KCNN3: variants seen among roughly 807,000 people sequenced by gnomAD.
KCNN3 encodes potassium calcium-activated channel subfamily N member 3.
KCNN3 carries 16 observed loss-of-function variants against 62.9 expected under a neutral mutation model. The observed-to-expected ratio is 0.25, with a 90% CI of 0.17 to 0.39. KCNN3 has a LOEUF of 0.39. KCNN3 is among the 10% of genes least tolerant of loss of function. KCNN3 has a pLI of 1.00. For synonymous variants in KCNN3, 370 were observed against 389.2 expected (o/e 0.95, Z 0.58); for missense variants, 599 against 949.4 (o/e 0.63, Z 4.85).
chr1:154,712,972 A>G (rs1700110554), intron 7 of KCNN3, among the ~76,000 whole-genome samples: 1 of 152,128 alleles, frequency 6.6e-6, no homozygotes, highest in East Asian at 1.9e-4. Context: ...ACCCCCCCAC[A>G]CACACCACTG....
intron 2 of KCNN3, among the ~76,000 whole-genome samples, chr1:154,819,354 A>G (rs1391056466): frequency 2.0e-5 from 3 of 152,216 alleles, no homozygotes; most frequent in African/African-American, 7.2e-5. Context: ...TGAACTCAGC[A>G]TGCTTTCCAT....
rs367612938 is a variant in KCNN3, at chr1:154,712,519, GC to G, written c.1899+944del. On this transcript the variant is annotated intron_variant, in intron 7 of 7. Coordinates refer to ENST00000271915, the MANE Select transcript of KCNN3 (RefSeq NM_002249.6). ...TTATTAAACAAGGCACCTGCACGTG[GC>G]CCGACAACTAGTGATTTCTCTGATT... Among the ~76,000 whole-genome samples, 167 of 152,218 alleles carry G rather than the reference GC, an allele frequency of 1.1e-3. 3 individuals carry two copies. In the East Asian group the frequency reaches 0.022, roughly 20 times the overall value.
chr1:154,740,230 G>A (rs1398077567), intron 3 of KCNN3, among the ~76,000 whole-genome samples: 4 of 152,056 alleles, frequency 2.6e-5, no homozygotes, highest in South Asian at 2.1e-4. Flanking sequence ...GATAGCTTAC[G>A]GGTTTTTCCT....
intron 1 of KCNN3, among the ~76,000 whole-genome samples, chr1:154,833,318 G>A (rs574585403): frequency 4.4e-4 from 67 of 152,268 alleles, no homozygotes; most frequent in Non-Finnish European, 7.9e-4. Context: ...CATATGGTGA[G>A]AAAAACAACC....
intron 1 of KCNN3, 110 bp from the exon 2 acceptor site, chr1:154,822,294 C>A: frequency 8.6e-6 from 7 of 812,664 alleles, no homozygotes; most frequent in South Asian, 1.4e-5. Context: ...GGGACTGTTA[C>A]CAGCCCCTCC....
intron 2 of KCNN3, among the ~76,000 whole-genome samples, chr1:154,807,535 C>A (rs1650226516): frequency 6.6e-6 from 1 of 152,222 alleles, no homozygotes; most frequent in African/African-American, 2.4e-5. Flanking sequence ...GCCACCCCAC[C>A]AAACCTGCAA....
intron 1 of KCNN3, among the ~76,000 whole-genome samples, chr1:154,825,363 CA>C (rs1478060303): frequency 0.022 from 2,921 of 130,424 alleles, 112 homozygotes; most frequent in African/African-American, 0.077. Flanking sequence ...TGATGAGAAT[CA>C]TTTTTTTTTT....
At chr1:154,848,940 G>A (rs1652197070) in intron 1 of KCNN3, among the ~76,000 whole-genome samples, 1 of 152,186 alleles carries the variant, frequency 6.6e-6, no homozygotes, top group Non-Finnish European at 1.5e-5. Context: ...GCCAGTGCCT[G>A]CCACAGAATG....
In KCNN3 at chr1:154,870,184, A is replaced by G. The variant is rs1405989193; in HGVS notation, c.-220T>C. ...GGGCAGGGAGGGAGAGCAGGAGGGGAGCTTGGAGAAAGAAGAGGGGGTGAA... is the reference window on the plus strand; with the variant it reads ...GGGCAGGGAGGGAGAGCAGGAGGGGGGCTTGGAGAAAGAAGAGGGGGTGAA... On this transcript the variant is annotated 5_prime_UTR_variant, in exon 1 of 8. Coordinates refer to ENST00000271915, the MANE Select transcript of KCNN3 (RefSeq NM_002249.6). The G allele has an allele frequency of 5.7e-6, 4 of 706,774 alleles. No individual in the cohort carries two copies. Among genetic ancestry groups the G allele is most frequent in the Non-Finnish European group, 1.0e-5 (4 of 386,640 alleles). The allele number at this position is 706,774 out of a possible 1,614,324, so 43.8% of individuals were successfully genotyped here. A position where few individuals can be genotyped will look rare whatever the true frequency, so the allele number is the denominator to read the frequency against.
At chr1:154,765,610 G>C (rs1039361499) in intron 3 of KCNN3, among the ~76,000 whole-genome samples, 1 of 149,934 alleles carries the variant, frequency 6.7e-6, no homozygotes, top group Admixed American at 6.7e-5. Context: ...AGATGCCCAA[G>C]ACTCTTCTTT....
intron 1 of KCNN3, among the ~76,000 whole-genome samples, chr1:154,842,533 C>T (rs1651877204): frequency 6.6e-6 from 1 of 152,136 alleles, no homozygotes; most frequent in Non-Finnish European, 1.5e-5. Context: ...TTTAAAGCCC[C>T]TACCCCTCAC....
intron 7 of KCNN3, among the ~76,000 whole-genome samples, chr1:154,711,718 C>G (rs925637197): frequency 6.6e-6 from 1 of 152,076 alleles, no homozygotes; most frequent in Non-Finnish European, 1.5e-5. Context: ...CTGATTGGTC[C>G]CAGGGTGGAT....
chr1:154,792,210 GGGGT>G (rs1165217542), intron 2 of KCNN3, among the ~76,000 whole-genome samples: 4 of 152,182 alleles, frequency 2.6e-5, no homozygotes, highest in Non-Finnish European at 1.5e-5. Context: ...ACAGCATCCT[GGGGT>G]GGTTTATTCC....
intron 1 of KCNN3, among the ~76,000 whole-genome samples, chr1:154,836,137 A>G (rs1169636856): frequency 1.3e-5 from 2 of 152,214 alleles, no homozygotes; most frequent in Non-Finnish European, 2.9e-5. Flanking sequence ...TCCAAGAAGA[A>G]TGTGTCCGTG....
intron 2 of KCNN3, among the ~76,000 whole-genome samples, chr1:154,813,582 T>C (rs1344595946): frequency 6.6e-6 from 1 of 152,078 alleles, no homozygotes; most frequent in African/African-American, 2.4e-5. Context: ...CGTCCTGAAC[T>C]CCTGGAGCTA....
At chr1:154,755,958 AGGG>A (rs1647666505) in intron 3 of KCNN3, among the ~76,000 whole-genome samples, 1 of 84,988 alleles carries the variant, frequency 1.2e-5, no homozygotes, top group Non-Finnish European at 2.2e-5. Context: ...GAGGAGGAGG[AGGG>A]GTTGGGGAGG....
At chr1:154,734,325 G>A (rs773526903) in intron 3 of KCNN3, among the ~76,000 whole-genome samples, 22 of 152,322 alleles carry the variant, frequency 1.4e-4, no homozygotes, top group Non-Finnish European at 1.6e-4. Context: ...GCCACTGGAT[G>A]GGGAAAGCTA....
At chr1:154,752,866 A>G (rs1189756795) in intron 3 of KCNN3, among the ~76,000 whole-genome samples, 2 of 152,170 alleles carry the variant, frequency 1.3e-5, no homozygotes, top group African/African-American at 4.8e-5. Flanking sequence ...AGGACACTGC[A>G]TGTCAGAAGT....
At chr1:154,856,412 G>A (rs1652530984) in intron 1 of KCNN3, among the ~76,000 whole-genome samples, 1 of 152,218 alleles carries the variant, frequency 6.6e-6, no homozygotes, top group African/African-American at 2.4e-5. Context: ...CCGCCAGCTG[G>A]AATAGCGTAG....
Sources: allele counts gnomAD v4.1 joint callset (sites outside exome capture counted in the v4.1 genomes callset), GRCh38; gene constraint gnomAD v4.1.1; transcripts MANE v1.5; gene names NCBI Gene and HGNC (gene_info 2026-07-23, HGNC 2026-07-21).